Variants in WNK1 observed in about 807,000 individuals in gnomAD.
The protein encoded by WNK1 is serine/threonine-protein kinase WNK1.
In WNK1, 38 loss-of-function variants were observed where a neutral mutation model predicts 222.8. That is an observed-to-expected ratio of 0.17 (90% CI 0.13 to 0.22). The LOEUF (loss-of-function observed/expected upper bound fraction) is 0.22. Among genes scored for constraint, WNK1 ranks in the 10% least tolerant of loss-of-function variants. The pLI, the probability that WNK1 is intolerant of heterozygous loss-of-function variation, is 1.00. For synonymous variants in WNK1, 1,090 were observed against 1,092.9 expected (o/e 1.00, Z 0.05); for missense variants, 2,348 against 2,918.4 (o/e 0.80, Z 4.50).
chr12:877,401 C>G (rs1319038769), intron 9 of WNK1, among the ~76,000 whole-genome samples: 3 of 152,060 alleles, frequency 2.0e-5, no homozygotes, highest in African/African-American at 7.2e-5. Flanking sequence ...GGGCAGTACT[C>G]TAGGGGTCAT....
chr12:886,234 G>T, intron 19 of WNK1, 150 bp downstream of exon 19: 3 of 699,106 alleles, frequency 4.3e-6, no homozygotes, highest in Non-Finnish European at 6.6e-6. Context: ...GCAGTTTGAG[G>T]GTATATCTAC....
rs367692602 is a variant in WNK1 at position 908,816 on chromosome 12, A to G, written c.*24A>G. ...AGACCTAGAGACATTAACTGAATAG[A>G]TCTGGGGGCAGGAGATGGAATGCTG... On this transcript the variant is annotated 3_prime_UTR_variant, in exon 28 of 28. Transcript: ENST00000315939. The G allele has an allele frequency of 3.4e-4, 386 of 1,124,178 alleles. No homozygotes were observed. Among genetic ancestry groups the G allele is most frequent in the Non-Finnish European group, 4.4e-4 (366 of 823,622 alleles). The allele number at this position is 1,124,178 out of a possible 1,614,324, so 69.6% of individuals were successfully genotyped here. A position where few individuals can be genotyped will look rare whatever the true frequency, so the allele number is the denominator to read the frequency against.
At chr12:799,074 G>C (rs930519437) in intron 1 of WNK1, among the ~76,000 whole-genome samples, 2 of 152,060 alleles carry the variant, frequency 1.3e-5, no homozygotes, top group African/African-American at 4.8e-5. Flanking sequence ...CTACTTGCCT[G>C]ATATTTTAGG....
chr12:793,130 A>G lies in WNK1; in HGVS notation c.760-20512A>G, dbSNP rs966230472. ...AAATAAACTTATAGCAATAGAGCAC[A>G]ATCAGCCAGCCATTTAATTTTAGAG... On this transcript the variant is annotated intron_variant, in intron 1 of 27. Transcript: ENST00000315939. Among the ~76,000 whole-genome samples the G allele has an allele frequency of 5.3e-5, 8 of 152,318 alleles. No individual in the cohort carries two copies. The East Asian group carries it at 1.5e-3, about 29-fold the overall frequency.
intron 5 of WNK1, among the ~76,000 whole-genome samples, chr12:857,830 C>T (rs528650258): frequency 2.7e-4 from 41 of 152,310 alleles, no homozygotes; most frequent in South Asian, 1.7e-3. Context: ...TGATTCATCA[C>T]CCGTCAGGCA....
At chr12:754,678 G>T (rs534451241) in intron 1 of WNK1, among the ~76,000 whole-genome samples, 2 of 152,304 alleles carry the variant, frequency 1.3e-5, no homozygotes, top group East Asian at 3.9e-4. Flanking sequence ...TCTCATCAAA[G>T]GCTCTGCAGT....
chr12:818,037 C>T (rs918311852), intron 2 of WNK1, among the ~76,000 whole-genome samples: 6 of 152,134 alleles, frequency 3.9e-5, no homozygotes, highest in African/African-American at 1.4e-4. Context: ...ATTCAAATAT[C>T]ATACAATTAA....
In WNK1 at chr12:871,314, T is replaced by C; in HGVS notation, c.2189T>C (p.Val730Ala). The stretch of plus-strand genomic sequence containing the variant: ...CCATCCTCAAGTAGCTTAACAGGGG[T>C]TTCATCTTCCCAACCCATACAACAT... ...GQPSSSSLTG[V>A]SSSQPIQHPQ... The change falls in exon 9 of 28, where the codon GTT becomes GCT. Residue 730 changes from valine (V) to alanine (A), a missense_variant. This residue lies in a region of WNK1 where 547 missense variants were observed against 558.3 expected (regional missense o/e 0.98). Transcript: ENST00000315939. The C allele has an allele frequency of 6.2e-7, 1 of 1,614,072 alleles. No homozygotes were observed. Among genetic ancestry groups the C allele is most frequent in the South Asian group, 1.1e-5 (1 of 91,080 alleles).
intron 4 of WNK1, among the ~76,000 whole-genome samples, chr12:837,138 G>T (rs541114871): frequency 3.3e-5 from 5 of 152,218 alleles, no homozygotes; most frequent in Admixed American, 1.3e-4. Flanking sequence ...CTCCAGGGAT[G>T]CCTCATGGTC....
At chr12:789,901 C>CT (rs762327478) in intron 1 of WNK1, among the ~76,000 whole-genome samples, 7 of 152,178 alleles carry the variant, frequency 4.6e-5, no homozygotes, top group Admixed American at 1.3e-4. Flanking sequence ...GCAGCAATTT[C>CT]TTTAACAATG....
At chr12:799,844 G>T (rs1422573447) in intron 1 of WNK1, among the ~76,000 whole-genome samples, 1 of 151,946 alleles carries the variant, frequency 6.6e-6, no homozygotes. Flanking sequence ...GCCACCACAC[G>T]TGCCTACTTT....
At chr12:785,222 G>A (rs958525261) in intron 1 of WNK1, among the ~76,000 whole-genome samples, 1 of 152,004 alleles carries the variant, frequency 6.6e-6, no homozygotes, top group Non-Finnish European at 1.5e-5. Flanking sequence ...CTTGGTATGG[G>A]TCTCTTTTTT....
intron 4 of WNK1, chr12:851,905 GA>G: frequency 1.2e-6 from 1 of 857,394 alleles, no homozygotes; most frequent in South Asian, 1.9e-5. Flanking sequence ...GTTAACTTGA[GA>G]ATGCTTTAAA....
At chr12:872,341 G>A (rs777339427) in intron 9 of WNK1, among the ~76,000 whole-genome samples, 128 of 152,170 alleles carry the variant, frequency 8.4e-4, no homozygotes, top group Non-Finnish European at 1.6e-3. Context: ...TAGAGATGGC[G>A]TTTCACCATG....
chr12:857,040 G>A (rs1950845476), intron 4 of WNK1, 121 bp from the exon 5 acceptor site: 3 of 964,232 alleles, frequency 3.1e-6, no homozygotes, highest in Non-Finnish European at 4.9e-6. Flanking sequence ...ACTCCTGCAG[G>A]CGAGTCAGAA....
At chr12:811,935 ATT>A (rs2154007781) in intron 1 of WNK1, among the ~76,000 whole-genome samples, 1 of 152,344 alleles carries the variant, frequency 6.6e-6, no homozygotes, top group Admixed American at 6.5e-5. Flanking sequence ...AGTAGCCTGT[ATT>A]TATAGTATAG....
chr12:776,423 T>TGTGTGTGG (rs1943103174), intron 1 of WNK1, among the ~76,000 whole-genome samples: 1 of 151,000 alleles, frequency 6.6e-6, no homozygotes, highest in Admixed American at 6.6e-5. Context: ...TGTGTGTGTG[T>TGTGTGTGG]GTGTGTGTGT....
intron 9 of WNK1, among the ~76,000 whole-genome samples, chr12:877,038 C>G (rs1476052408): frequency 6.9e-6 from 1 of 145,582 alleles, no homozygotes; most frequent in Admixed American, 6.9e-5. Flanking sequence ...TCTTGAAAGT[C>G]AGCCCTAAAC....
At chr12:797,591 A>C (rs1171182119) in intron 1 of WNK1, among the ~76,000 whole-genome samples, 3 of 152,126 alleles carry the variant, frequency 2.0e-5, no homozygotes, top group African/African-American at 7.2e-5. Flanking sequence ...TTATTGCATC[A>C]AATGCAGACA....
Sources: gnomAD v4.1 joint callset for allele counts (sites outside exome capture counted in the v4.1 genomes callset) on GRCh38, gnomAD v4.1.1 for gene constraint, gnomAD v4.1.1 regional missense constraint, MANE v1.5 for transcripts, NCBI Gene and HGNC (gene_info 2026-07-23, HGNC 2026-07-21) for gene names.